TSPEAR: variants seen among roughly 807,000 people sequenced by gnomAD.
The protein encoded by TSPEAR is thrombospondin-type laminin G domain and EAR repeat-containing protein.
TSPEAR carries 69 observed loss-of-function variants against 71.6 expected under a neutral mutation model. The observed-to-expected ratio is 0.96, with a 90% CI of 0.79 to 1.18. The LOEUF is 1.18. TSPEAR is among the 50% of genes most tolerant of loss of function. The pLI, the probability that TSPEAR is intolerant of heterozygous loss-of-function variation, is 0.00. For synonymous variants in TSPEAR, 402 were observed against 387.2 expected, an observed-to-expected ratio of 1.04 and a Z score of -0.45; for missense variants, 971 against 894.9, an observed-to-expected ratio of 1.09 and a Z score of -1.09.
chr21:44,608,209 A>C (rs902182729), intron 1 of TSPEAR, among the ~76,000 whole-genome samples: 1 of 152,238 alleles, frequency 6.6e-6, no homozygotes, highest in South Asian at 2.1e-4. Context: ...GCATGTAATC[A>C]TACTTCAATA....
At chr21:44,567,462 T>C (rs1481035544) in intron 2 of TSPEAR, among the ~76,000 whole-genome samples, 1 of 152,204 alleles carries the variant, frequency 6.6e-6, no homozygotes, top group Non-Finnish European at 1.5e-5. Flanking sequence ...CTTAGATAAA[T>C]GGGTCTACAA....
At chr21:44,554,884 G>A (rs1347633788) in intron 2 of TSPEAR, among the ~76,000 whole-genome samples, 2 of 152,186 alleles carry the variant, frequency 1.3e-5, no homozygotes, top group Non-Finnish European at 2.9e-5. Context: ...ACTGAGAAGC[G>A]GGTGGGGGTG....
chr21:44,547,054 T>C (rs1227356504), intron 2 of TSPEAR, among the ~76,000 whole-genome samples: 1 of 152,250 alleles, frequency 6.6e-6, no homozygotes, highest in Non-Finnish European at 1.5e-5. Context: ...TGCATTTTTC[T>C]CCATTCTCAC....
intron 1 of TSPEAR, chr21:44,681,850 T>C: frequency 6.2e-7 from 1 of 1,611,276 alleles, no homozygotes; most frequent in Non-Finnish European, 8.5e-7. Context: ...CAGGAAGGGG[T>C]GCTGCAGGAG....
intron 1 of TSPEAR, among the ~76,000 whole-genome samples, chr21:44,709,393 G>T (rs984477223): frequency 2.6e-5 from 4 of 152,238 alleles, no homozygotes; most frequent in Non-Finnish European, 5.9e-5. Context: ...TGCTGCCCAC[G>T]GGGCTGGAGC....
At chr21:44,564,857 T>C (rs1555921553) in intron 2 of TSPEAR, among the ~76,000 whole-genome samples, 5 of 152,148 alleles carry the variant, frequency 3.3e-5, no homozygotes. Context: ...ATATGCAGTA[T>C]CGTCTAGCAT....
intron 1 of TSPEAR, among the ~76,000 whole-genome samples, chr21:44,615,187 T>TG (rs1262470724): frequency 6.6e-6 from 1 of 152,188 alleles, no homozygotes; most frequent in Admixed American, 6.5e-5. Context: ...TTTGTTACCA[T>TG]GAAAAATTAG....
rs143595111 is a variant in TSPEAR, at chr21:44,567,852, T to C, written c.236A>G (p.Gln79Arg). 1.9e-6 allele frequency: 3 copies of C among 1,609,588 alleles called. No homozygotes were observed. The African/African-American group carries it at 4.0e-5, about 22-fold the overall frequency. Residue 79 changes from glutamine to arginine, a missense_variant, in exon 2 of 12, where the codon CAG (glutamine) becomes CGG (arginine). By Grantham distance (43) the Gln-to-Arg change is conservative. Transcript: ENST00000323084. The part of the protein sequence containing the change: ...MSFPASRIFS[Q>R]CDLFPEEFSI... ...AAATTCTTCAGGGAAGAGGTCACAC[T>C]GGGAGAAAATCCTGGATGCTGGGAA...
At position 44,599,485 on chromosome 21, in the gene TSPEAR, G is replaced by T. The variant is rs141790727; in HGVS notation, c.83-31480C>A. On this transcript the variant is annotated intron_variant, in intron 1 of 11. Coordinates refer to ENST00000323084, the MANE Select transcript of TSPEAR (RefSeq NM_144991.3). ...ACTTCTCAGGGCCGCATGCATGCTG[G>T]GCTATGGCTGGTCATCACTGACATC... Among the ~76,000 whole-genome samples, 1,313 of 152,268 alleles carry T rather than the reference G, an allele frequency of 8.6e-3. 21 individuals are homozygous for T. Among genetic ancestry groups the T allele is most frequent in the African/African-American group, 0.03 (1,241 of 41,550 alleles).
At chr21:44,641,415 G>A (rs1401661929) in intron 1 of TSPEAR, among the ~76,000 whole-genome samples, 1 of 152,142 alleles carries the variant, frequency 6.6e-6, no homozygotes, top group Non-Finnish European at 1.5e-5. Flanking sequence ...CAGAATTGCT[G>A]ATACAGTGAC....
At chr21:44,525,883 G>T (rs1486701410) in intron 7 of TSPEAR, 44 bp from the exon 8 acceptor site, 1 of 1,595,836 alleles carries the variant, frequency 6.3e-7, no homozygotes, top group African/African-American at 1.3e-5. Flanking sequence ...GCTTGGGTCG[G>T]TGCCAGCGGC....
In TSPEAR at chr21:44,551,309, C is replaced by A; in HGVS notation, c.303+16476G>T. 4 of 1,613,354 alleles carry A rather than the reference C, an allele frequency of 2.5e-6. No individual in the cohort carries two copies. The South Asian group carries it at 4.4e-5, about 18-fold the overall frequency. ...GGCAGCAGGGGCTGGACACACAGCTCACTGGGGTGCAGACCAGGGTCAGGC... is the reference window on the plus strand; with the variant it reads ...GGCAGCAGGGGCTGGACACACAGCTAACTGGGGTGCAGACCAGGGTCAGGC... On this transcript the variant is annotated intron_variant, in intron 2 of 11. Transcript: ENST00000323084.
At chr21:44,504,974 A>T in intron 10 of TSPEAR, 93 bp from the exon 11 acceptor site, 1 of 978,004 alleles carries the variant, frequency 1.0e-6, no homozygotes, top group South Asian at 1.3e-5. Flanking sequence ...TTTATAGAGG[A>T]GGAGCCGGGG....
chr21:44,502,044 G>C (rs994872568), intron 11 of TSPEAR, among the ~76,000 whole-genome samples: 1 of 152,204 alleles, frequency 6.6e-6, no homozygotes, highest in South Asian at 2.1e-4. Context: ...GAAGCCAGTG[G>C]CTTATTCAAT....
chr21:44,550,627 G>A, intron 2 of TSPEAR: 1 of 1,585,464 alleles, frequency 6.3e-7, no homozygotes. Context: ...TGGGTGGGCT[G>A]GGAGGTCCAA....
intron 1 of TSPEAR, among the ~76,000 whole-genome samples, chr21:44,693,641 G>A (rs1406863310): frequency 1.3e-5 from 1 of 78,676 alleles, no homozygotes; most frequent in Non-Finnish European, 2.6e-5. Context: ...TACCAGGATG[G>A]CTGTAATTTT....
intron 1 of TSPEAR, chr21:44,580,327 G>A (rs1459307647): frequency 3.1e-6 from 5 of 1,614,124 alleles, no homozygotes; most frequent in Admixed American, 1.7e-5. Context: ...AGGCCTGCTG[G>A]CAGGGGGAGG....
chr21:44,587,214 C>T (rs1260613101), intron 1 of TSPEAR, among the ~76,000 whole-genome samples: 1 of 152,152 alleles, frequency 6.6e-6, no homozygotes, highest in Non-Finnish European at 1.5e-5. Context: ...AATTAATGTA[C>T]ACAAATCAGT....
intron 1 of TSPEAR, chr21:44,573,613 G>A (rs1462656134): frequency 1.5e-6 from 2 of 1,375,798 alleles, no homozygotes; most frequent in Non-Finnish European, 2.0e-6. Flanking sequence ...CCCCAACAAG[G>A]AAGGGAGGGC....
Sources: allele counts gnomAD v4.1 joint callset (sites outside exome capture counted in the v4.1 genomes callset), GRCh38; gene constraint gnomAD v4.1.1; transcripts MANE v1.5; gene names NCBI Gene and HGNC (gene_info 2026-07-23, HGNC 2026-07-21).